CYFIP2: variants seen among roughly 807,000 people sequenced by gnomAD.
CYFIP2 encodes the protein cytoplasmic FMR1 interacting protein 2.
In CYFIP2, 29 loss-of-function variants were observed where a neutral mutation model predicts 158.7. The ratio of observed to expected loss-of-function variants is 0.18; its 90% confidence interval spans 0.14 to 0.25. The LOEUF is 0.25. CYFIP2 is among the 10% of genes least tolerant of loss of function. The pLI, the probability that CYFIP2 is intolerant of heterozygous loss-of-function variation, is 1.00. For missense variants in CYFIP2, 852 were observed against 1,639.5 expected, an observed-to-expected ratio of 0.52 and a Z score of 8.29; for synonymous variants, 585 against 617.6, an observed-to-expected ratio of 0.95 and a Z score of 0.78.
Position 157,285,267 on chromosome 5 carries a change from G to A in CYFIP2, c.-23-72G>A, listed in dbSNP as rs940453147. On this transcript the variant is annotated intron_variant, in intron 1 of 30. Transcript: ENST00000620254. ...CTCTTTATTCTCCCAAAGGATGCTG[G>A]TCATGGTGCGGTTAAGAGGAATTTT... is the stretch of plus-strand genomic sequence containing the variant. 19 of 994,986 alleles carry A rather than the reference G, an allele frequency of 1.9e-5. No homozygotes were observed. The African/African-American group carries it at 2.7e-4, about 14-fold the overall frequency. 61.6% of individuals were successfully genotyped at this position (994,986 alleles called of 1,614,324 possible).
At chr5:157,354,990 G>T (rs1352009098) in intron 23 of CYFIP2, among the ~76,000 whole-genome samples, 2 of 152,026 alleles carry the variant, frequency 1.3e-5, no homozygotes, top group Non-Finnish European at 2.9e-5. Context: ...ATGCGTTTCA[G>T]CTTGATCCTC....
At position 157,287,117 on chromosome 5, in the gene CYFIP2, C is replaced by T. The variant is rs2113848417; in HGVS notation, c.207+9C>T. 6.2e-7 allele frequency: 1 copy of T among 1,611,996 alleles called. No individual in the cohort carries two copies. Among genetic ancestry groups the T allele is most frequent in the East Asian group, 2.2e-5 (1 of 44,844 alleles). ...CAGTCCACTCCAGCATGGTAAGTCT[C>T]TGTGACCCACGTGTGCAGACATGCT... On this transcript the variant is annotated intron_variant, in intron 3 of 30. Transcript: ENST00000620254.
At chr5:157,357,227 C>T (rs909573026) in intron 23 of CYFIP2, among the ~76,000 whole-genome samples, 4 of 152,140 alleles carry the variant, frequency 2.6e-5, no homozygotes, top group East Asian at 3.8e-4. Context: ...GTGTTCGTCA[C>T]GGATCCTTGT....
intron 4 of CYFIP2, among the ~76,000 whole-genome samples, chr5:157,295,332 C>T (rs1452513766): frequency 6.6e-6 from 1 of 152,148 alleles, no homozygotes; most frequent in Non-Finnish European, 1.5e-5. Context: ...CTTTTTTCCC[C>T]ACTTAATTCT....
At chr5:157,280,324 G>A (rs1056459429) in intron 1 of CYFIP2, among the ~76,000 whole-genome samples, 5 of 151,280 alleles carry the variant, frequency 3.3e-5, no homozygotes, top group African/African-American at 1.2e-4. Flanking sequence ...AGTCTCCTGA[G>A]TAGCTGGGAT....
chr5:157,369,663 T>C (rs1359447406), intron 26 of CYFIP2, among the ~76,000 whole-genome samples: 1 of 152,202 alleles, frequency 6.6e-6, no homozygotes, highest in Non-Finnish European at 1.5e-5. Flanking sequence ...ATCAATGACT[T>C]TTCTGTGAGG....
intron 30 of CYFIP2, among the ~76,000 whole-genome samples, chr5:157,391,298 A>G (rs1341040038): frequency 6.6e-6 from 1 of 152,208 alleles, no homozygotes; most frequent in East Asian, 1.9e-4. Flanking sequence ...GCTTTTTTAA[A>G]AAATACACAT....
At chr5:157,285,143 C>T (rs1385696663) in intron 1 of CYFIP2, among the ~76,000 whole-genome samples, 196 bp from the exon 2 acceptor site, 1 of 152,150 alleles carries the variant, frequency 6.6e-6, no homozygotes, top group African/African-American at 2.4e-5. Flanking sequence ...ACACAAAATA[C>T]CTTGTTAGCC....
At chr5:157,318,635 C>T (rs1199017966) in intron 13 of CYFIP2, among the ~76,000 whole-genome samples, 1 of 152,170 alleles carries the variant, frequency 6.6e-6, no homozygotes, top group African/African-American at 2.4e-5. Flanking sequence ...GGTCTGAGCT[C>T]ATTCATTCAT....
intron 26 of CYFIP2, chr5:157,376,919 C>T (rs1223702921): frequency 2.2e-6 from 1 of 456,164 alleles, no homozygotes; most frequent in South Asian, 1.6e-5. Flanking sequence ...TTTACCTTGC[C>T]TGAATCTGAC....
At chr5:157,334,681 C>A (rs1373549457) in intron 21 of CYFIP2, among the ~76,000 whole-genome samples, 1 of 151,344 alleles carries the variant, frequency 6.6e-6, no homozygotes, top group Non-Finnish European at 1.5e-5. Flanking sequence ...AAATCGAGTT[C>A]CATTTAAAAA....
intron 1 of CYFIP2, among the ~76,000 whole-genome samples, chr5:157,282,351 A>G (rs1388209844): frequency 6.6e-6 from 1 of 152,150 alleles, no homozygotes; most frequent in Non-Finnish European, 1.5e-5. Context: ...ATCTCCTGTG[A>G]ACTCAGAACT....
chr5:157,294,757 C>T, intron 3 of CYFIP2, 26 bp from the exon 4 acceptor site: 1 of 1,610,290 alleles, frequency 6.2e-7, no homozygotes, highest in Non-Finnish European at 8.5e-7. Context: ...TTGTTCCTCC[C>T]TGCTGAGGCT....
intron 3 of CYFIP2, among the ~76,000 whole-genome samples, chr5:157,293,668 C>T (rs368652368): frequency 1.2e-4 from 18 of 152,032 alleles, no homozygotes; most frequent in East Asian, 9.6e-4. Context: ...TTTTTCAATA[C>T]GTAATAATGT....
intron 28 of CYFIP2, among the ~76,000 whole-genome samples, chr5:157,383,810 T>C (rs980683792): frequency 2.5e-4 from 38 of 152,334 alleles, no homozygotes; most frequent in African/African-American, 7.7e-4. Flanking sequence ...TAGTAAAGCA[T>C]TGATTAAATA....
Position 157,311,547 on chromosome 5 carries a change from A to T in CYFIP2, c.993-117A>T. The T allele has an allele frequency of 1.2e-6, 1 of 806,028 alleles. No individual in the cohort carries two copies. The highest frequency in any genetic ancestry group is 1.8e-5 in the South Asian group (1 of 57,096). The allele number at this position is 806,028 out of a possible 1,614,324, so 49.9% of individuals were successfully genotyped here. The stretch of plus-strand genomic sequence containing the variant: ...TTCTTGCTGAGGCGGCTGGGATACC[A>T]TTTGGTGTCACCCAGGGGAGTTGGC... On this transcript the variant is annotated intron_variant, in intron 10 of 30. Coordinates refer to ENST00000620254, the MANE Select transcript of CYFIP2 (RefSeq NM_001037333.3). This position sits in a 1 kb window ranked among gnomAD's most constrained non-coding sequence, Gnocchi z 4.7.
At chr5:157,285,508 G>C (rs779546387) in intron 2 of CYFIP2, 30 bp downstream of exon 2, 1 of 1,541,016 alleles carries the variant, frequency 6.5e-7, no homozygotes, top group Non-Finnish European at 8.8e-7. Context: ...GCACCAGGGG[G>C]CCCAGGAATT....
intron 26 of CYFIP2, among the ~76,000 whole-genome samples, chr5:157,372,499 A>G (rs1272333766): frequency 6.6e-6 from 1 of 152,204 alleles, no homozygotes. Flanking sequence ...CAGGGGATCA[A>G]AAAGTTAAGA....
At chr5:157,277,373 C>A (rs926632316) in intron 1 of CYFIP2, among the ~76,000 whole-genome samples, 1 of 152,050 alleles carries the variant, frequency 6.6e-6, no homozygotes, top group African/African-American at 2.4e-5. Context: ...TGTGTAGCCA[C>A]CGAGTCTGGC....
Sources: allele counts gnomAD v4.1 joint callset (sites outside exome capture counted in the v4.1 genomes callset), GRCh38; gene constraint gnomAD v4.1.1; non-coding constraint Gnocchi (gnomAD v3.1); transcripts MANE v1.5; gene names NCBI Gene and HGNC (gene_info 2026-07-23, HGNC 2026-07-21).